The following CNTNAP5 variants were observed in gnomAD, a reference collection of about 807,000 sequenced individuals.
The protein encoded by CNTNAP5 is contactin associated protein family member 5.
Under a neutral mutation model 150.2 loss-of-function variants are expected in CNTNAP5, and 72 were observed. That is an observed-to-expected ratio of 0.48 (90% confidence interval 0.40 to 0.58). CNTNAP5 has a LOEUF of 0.58. Among genes scored for constraint, CNTNAP5 ranks in the 20% least tolerant of loss-of-function variants. The pLI, the probability that CNTNAP5 is intolerant of heterozygous loss-of-function variation, is 0.00. For synonymous variants in CNTNAP5, 672 were observed against 619.8 expected (o/e 1.08, Z -1.25); for missense variants, 1,636 against 1,626.2 (o/e 1.01, Z -0.10).
intron 13 of CNTNAP5, among the ~76,000 whole-genome samples, chr2:124,736,349 G>A (rs1288506453): frequency 1.3e-5 from 2 of 152,092 alleles, no homozygotes; most frequent in African/African-American, 2.4e-5. Context: ...GCTTAATATT[G>A]TACGTCAAAT....
intron 13 of CNTNAP5, among the ~76,000 whole-genome samples, chr2:124,653,818 G>T (rs370886576): frequency 1.3e-5 from 2 of 151,926 alleles, no homozygotes; most frequent in African/African-American, 4.8e-5. Flanking sequence ...TTTGTGCCAG[G>T]CACTGGGGAG....
rs145903739 is a variant in CNTNAP5, at chr2:124,808,794, T to C, written c.3217+10474T>C. On this transcript the variant is annotated intron_variant, in intron 19 of 23. Transcript: ENST00000682447. ...TTTCCTGTTCAGGCTAATATGCAAG[T>C]TCTTTTTCACTTCCATCCCAGGCTT... Among the ~76,000 whole-genome samples, 1,228 of 152,178 alleles carry C rather than the reference T, an allele frequency of 8.1e-3. 6 individuals carry two copies. Among genetic ancestry groups the C allele is most frequent in the Non-Finnish European group, 0.013 (893 of 68,008 alleles).
chr2:124,812,188 A>G (rs1200481219), intron 19 of CNTNAP5, among the ~76,000 whole-genome samples: 1 of 128,244 alleles, frequency 7.8e-6, no homozygotes, highest in African/African-American at 2.9e-5. Flanking sequence ...ACATAAGTAT[A>G]TATAAAACAA....
At chr2:124,388,728 T>A (rs1481468675) in intron 3 of CNTNAP5, among the ~76,000 whole-genome samples, 1 of 152,164 alleles carries the variant, frequency 6.6e-6, no homozygotes, top group East Asian at 1.9e-4. Context: ...GGAGTCCTGC[T>A]CTGTCGCCCG....
chr2:124,709,907 T>C (rs1260913508), intron 13 of CNTNAP5, among the ~76,000 whole-genome samples: 1 of 152,214 alleles, frequency 6.6e-6, no homozygotes, highest in Non-Finnish European at 1.5e-5. Context: ...AATAATATAG[T>C]AGCTTCTATT....
At chr2:124,217,209 CT>C (rs1686181174) in intron 1 of CNTNAP5, among the ~76,000 whole-genome samples, 1 of 151,332 alleles carries the variant, frequency 6.6e-6, no homozygotes, top group Non-Finnish European at 1.5e-5. Flanking sequence ...TGAGAGAAGC[CT>C]TTTAGTCTCT....
intron 12 of CNTNAP5, among the ~76,000 whole-genome samples, chr2:124,624,859 C>G (rs924819333): frequency 4.6e-5 from 7 of 152,182 alleles, no homozygotes; most frequent in African/African-American, 7.2e-5. Context: ...AAGCAGCTAA[C>G]ATTTATCCAG....
intron 19 of CNTNAP5, among the ~76,000 whole-genome samples, chr2:124,864,362 T>C (rs1677584287): frequency 6.6e-6 from 1 of 152,142 alleles, no homozygotes; most frequent in Non-Finnish European, 1.5e-5. Context: ...TTGGAAACAT[T>C]CAGTATTCTC....
chr2:124,430,009 T>C, intron 4 of CNTNAP5, among the ~76,000 whole-genome samples: 1 of 152,176 alleles, frequency 6.6e-6, no homozygotes, highest in African/African-American at 2.4e-5. Context: ...CCTCATGAGA[T>C]GCATTGACGT....
intron 14 of CNTNAP5, among the ~76,000 whole-genome samples, chr2:124,761,334 AC>A (rs963214099): frequency 3.5e-4 from 54 of 152,266 alleles, no homozygotes; most frequent in African/African-American, 1.3e-3. Flanking sequence ...AGGAATAAAT[AC>A]ACAAATTCCC....
intron 1 of CNTNAP5, among the ~76,000 whole-genome samples, chr2:124,037,133 G>T (rs1681244323): frequency 6.6e-6 from 1 of 152,172 alleles, no homozygotes; most frequent in Non-Finnish European, 1.5e-5. Context: ...ACCAGTTCCT[G>T]TAGGTTAGCT....
intron 10 of CNTNAP5, among the ~76,000 whole-genome samples, chr2:124,562,599 G>T (rs937187478): frequency 2.6e-5 from 4 of 152,150 alleles, no homozygotes; most frequent in African/African-American, 7.2e-5. Flanking sequence ...TTTTTAATGT[G>T]TGTGGTAAAA....
chr2:124,054,635 A>C (rs1232809719), intron 1 of CNTNAP5, among the ~76,000 whole-genome samples: 1 of 152,156 alleles, frequency 6.6e-6, no homozygotes, highest in Non-Finnish European at 1.5e-5. Context: ...TGCTGTTCAA[A>C]TCCCAAGTTT....
chr2:124,838,657 C>T (rs1252230005), intron 19 of CNTNAP5, among the ~76,000 whole-genome samples: 1 of 152,120 alleles, frequency 6.6e-6, no homozygotes, highest in African/African-American at 2.4e-5. Context: ...ATTCATAACT[C>T]TTAGATCTCC....
intron 1 of CNTNAP5, among the ~76,000 whole-genome samples, chr2:124,211,886 T>G (rs1686022085): frequency 6.6e-6 from 1 of 152,208 alleles, no homozygotes; most frequent in African/African-American, 2.4e-5. Context: ...AGCTACACTT[T>G]AAGATCATGG....
chr2:124,655,957 A>G (rs534297492), intron 13 of CNTNAP5, among the ~76,000 whole-genome samples: 2 of 138,576 alleles, frequency 1.4e-5, no homozygotes, highest in Admixed American at 7.3e-5. Context: ...GAAAGAAAGA[A>G]AGAAAGAAAG....
chr2:124,300,187 T>C (rs1191914500), intron 3 of CNTNAP5, among the ~76,000 whole-genome samples: 6 of 152,218 alleles, frequency 3.9e-5, no homozygotes, highest in African/African-American at 1.4e-4. Context: ...AGAAAATCTA[T>C]GAGTATCCAC....
intron 3 of CNTNAP5, among the ~76,000 whole-genome samples, chr2:124,288,636 G>A (rs1688211544): frequency 6.6e-6 from 1 of 151,990 alleles, no homozygotes. Flanking sequence ...CATGATTCTT[G>A]CTATTTTAAT....
intron 3 of CNTNAP5, among the ~76,000 whole-genome samples, chr2:124,348,317 AT>A (rs1689791448): frequency 6.6e-6 from 1 of 152,032 alleles, no homozygotes; most frequent in African/African-American, 2.4e-5. Context: ...ATTTTATTTC[AT>A]TTCTTGCTTA....
Sources: allele counts gnomAD v4.1 joint callset (sites outside exome capture counted in the v4.1 genomes callset), GRCh38; gene constraint gnomAD v4.1.1; transcripts MANE v1.5; gene names NCBI Gene and HGNC (gene_info 2026-07-23, HGNC 2026-07-21).